Variants in CSNK1A1 observed in about 807,000 individuals in gnomAD.
The protein encoded by CSNK1A1 is casein kinase I isoform alpha.
CSNK1A1 carries 7 observed loss-of-function variants against 46.1 expected under a neutral mutation model. That is an observed-to-expected ratio of 0.15 (90% CI 0.09 to 0.29). CSNK1A1 has a LOEUF of 0.29. Ranked by LOEUF, CSNK1A1 falls within the 10% of genes least tolerant of loss-of-function variation. The pLI is 1.00. For missense variants in CSNK1A1, 96 were observed against 417.1 expected, an observed-to-expected ratio of 0.23 and a Z score of 6.71; for synonymous variants, 137 against 141.5, an observed-to-expected ratio of 0.97 and a Z score of 0.23.
intron 7 of CSNK1A1, among the ~76,000 whole-genome samples, chr5:149,507,645 G>A (rs1580823793): frequency 6.6e-6 from 1 of 151,950 alleles, no homozygotes; most frequent in South Asian, 2.1e-4. Context: ...GTATTTTTTA[G>A]TAGAGACAGG....
At chr5:149,540,793 GATCCGGCAGGGT>G (rs1489354939) in intron 2 of CSNK1A1, among the ~76,000 whole-genome samples, 1 of 152,098 alleles carries the variant, frequency 6.6e-6, no homozygotes, top group Non-Finnish European at 1.5e-5. Context: ...TGTCAAAACT[GATCCGGCAGGGT>G]ATGGTGGCTC....
At chr5:149,546,033 C>T (rs1328506753) in intron 2 of CSNK1A1, among the ~76,000 whole-genome samples, 4 of 151,474 alleles carry the variant, frequency 2.6e-5, no homozygotes, top group African/African-American at 4.8e-5. Context: ...GCACTACAGG[C>T]GCACGCCACC....
chr5:149,525,783 A>G lies in CSNK1A1; in HGVS notation c.231-612T>C, dbSNP rs1561763386. Among the ~76,000 whole-genome samples, 1 of 152,222 alleles carries G rather than the reference A, an allele frequency of 6.6e-6. No homozygotes were observed. The highest frequency in any genetic ancestry group is 1.5e-5 in the Non-Finnish European group (1 of 68,032). ...TATTACTGTATACAATGTGTCCCTA[A>G]TAAGAAGTATCAACTGCCAATTTCA... On this transcript the variant is annotated intron_variant, in intron 2 of 9. Transcript: ENST00000377843. The surrounding 1 kb of genome is among the most constrained non-coding windows in gnomAD (Gnocchi z 4.2).
intron 4 of CSNK1A1, among the ~76,000 whole-genome samples, chr5:149,519,857 A>C (rs1248075253): frequency 6.6e-6 from 1 of 152,242 alleles, no homozygotes; most frequent in Non-Finnish European, 1.5e-5. Flanking sequence ...ATGGTGACAG[A>C]TAAGTCAGTG....
intron 4 of CSNK1A1, among the ~76,000 whole-genome samples, chr5:149,515,119 A>G (rs1761360574): frequency 6.6e-6 from 1 of 152,232 alleles, no homozygotes; most frequent in South Asian, 2.1e-4. Flanking sequence ...AATAAACACA[A>G]AAGGACATTC....
chr5:149,506,981 ATT>A, intron 8 of CSNK1A1, 44 bp downstream of exon 8: 6 of 1,449,794 alleles, frequency 4.1e-6, no homozygotes, highest in Non-Finnish European at 5.7e-6. Flanking sequence ...AATTTAACCA[ATT>A]TCCCTCACAG....
Position 149,523,112 on chromosome 5 carries a change from C to G in CSNK1A1, c.357+1933G>C, listed in dbSNP as rs375339316. Among the ~76,000 whole-genome samples the G allele has an allele frequency of 2.0e-4, 30 of 151,086 alleles. No homozygotes were observed. The South Asian group carries it at 5.9e-3, about 30-fold the overall frequency. On this transcript the variant is annotated intron_variant, in intron 3 of 9. Transcript: ENST00000377843. Reference sequence around the variant, plus strand: ...CTGGAGTGCAGTGGTGCGATCTCGGCTCACTGCAATCTCCACCTCCTGGGT... The same window carrying G: ...CTGGAGTGCAGTGGTGCGATCTCGGGTCACTGCAATCTCCACCTCCTGGGT...
chr5:149,494,089 G>C lies in CSNK1A1; in HGVS notation c.*2764C>G, dbSNP rs1277798565. 1 of 152,158 alleles carries C rather than the reference G, an allele frequency of 6.6e-6. No individual in the cohort carries two copies. Among genetic ancestry groups the C allele is most frequent in the Non-Finnish European group, 1.5e-5 (1 of 68,026 alleles). The allele number at this position is 152,158 out of a possible 1,614,324, so 9.4% of individuals were successfully genotyped here. A position where few individuals can be genotyped will look rare whatever the true frequency, so the allele number is the denominator to read the frequency against. On this transcript the variant is annotated 3_prime_UTR_variant, in exon 10 of 10. Coordinates refer to ENST00000377843, the MANE Select transcript of CSNK1A1 (RefSeq NM_001892.6). Reference sequence around the variant, plus strand: ...GTTCAGCAAACTTTAGGGAAAACTAGCTCATTGTCTTGGGTTCTAAAGTCC... The same window carrying C: ...GTTCAGCAAACTTTAGGGAAAACTACCTCATTGTCTTGGGTTCTAAAGTCC...
At chr5:149,515,964 C>T (rs1188899590) in intron 4 of CSNK1A1, among the ~76,000 whole-genome samples, 2 of 152,220 alleles carry the variant, frequency 1.3e-5, no homozygotes, top group Admixed American at 1.3e-4. Flanking sequence ...TGAGTAAAAT[C>T]TGCGCCCATT....
chr5:149,515,043 T>C (rs1294470004), intron 4 of CSNK1A1, among the ~76,000 whole-genome samples: 1 of 152,186 alleles, frequency 6.6e-6, no homozygotes, highest in South Asian at 2.1e-4. Context: ...CAAAATACAT[T>C]TGTTAAGCAA....
chr5:149,518,504 G>A (rs1296706143), intron 4 of CSNK1A1, among the ~76,000 whole-genome samples: 2 of 152,082 alleles, frequency 1.3e-5, no homozygotes, highest in East Asian at 3.9e-4. Flanking sequence ...CATACAACTG[G>A]CATTTTTCAA....
chr5:149,548,440 C>A (rs2113208636), intron 2 of CSNK1A1, among the ~76,000 whole-genome samples: 1 of 151,574 alleles, frequency 6.6e-6, no homozygotes, highest in South Asian at 2.1e-4. Context: ...AGTAGTGCAG[C>A]TCTGCAATTC....
chr5:149,538,014 GTTTTTTTTTTTTT>G (rs890909710), intron 2 of CSNK1A1, among the ~76,000 whole-genome samples: 4 of 85,728 alleles, frequency 4.7e-5, no homozygotes, highest in African/African-American at 2.1e-4. Flanking sequence ...AGTGTGCCCA[GTTTTTTTTTTTTT>G]TTTTTTTTTT....
chr5:149,498,514 GT>G, intron 9 of CSNK1A1: 1 of 985,172 alleles, frequency 1.0e-6, no homozygotes, highest in Non-Finnish European at 1.2e-6. Flanking sequence ...CAAGCTTCTT[GT>G]TTGGGAGTTT....
intron 2 of CSNK1A1, among the ~76,000 whole-genome samples, chr5:149,539,311 T>C (rs1021747396): frequency 8.6e-5 from 13 of 151,724 alleles, no homozygotes; most frequent in Admixed American, 6.6e-5. Flanking sequence ...AAAATAAAAA[T>C]AAAAATTAGC....
chr5:149,532,315 C>T lies in CSNK1A1; in HGVS notation c.231-7144G>A, dbSNP rs191086154. ...GATATAAAATACCTGTGATTTCAGC[C>T]GGGCGGAGTGGCTCATGCTGAGATC... On this transcript the variant is annotated intron_variant, in intron 2 of 9. Transcript: ENST00000377843. Among the ~76,000 whole-genome samples, 12 of 151,986 alleles carry T rather than the reference C, an allele frequency of 7.9e-5. No individual in the cohort carries two copies. The East Asian group carries it at 1.2e-3, about 15-fold the overall frequency.
At chr5:149,529,325 C>A (rs1438582859) in intron 2 of CSNK1A1, among the ~76,000 whole-genome samples, 2 of 152,120 alleles carry the variant, frequency 1.3e-5, no homozygotes, top group African/African-American at 2.4e-5. Flanking sequence ...GAAGATAATG[C>A]CAAGAGAAGG....
chr5:149,529,688 T>C (rs1301275110), intron 2 of CSNK1A1: 1 of 456,196 alleles, frequency 2.2e-6, no homozygotes, highest in Non-Finnish European at 4.4e-6. Flanking sequence ...GCAGTATAGG[T>C]TCTTCAGTGC....
At chr5:149,509,523 C>A (rs1257261935) in intron 7 of CSNK1A1, among the ~76,000 whole-genome samples, 1 of 152,174 alleles carries the variant, frequency 6.6e-6, no homozygotes, top group Non-Finnish European at 1.5e-5. Context: ...GCCTCAGGCT[C>A]CTGAGTAGCT....
Sources: gnomAD v4.1 joint callset for allele counts (sites outside exome capture counted in the v4.1 genomes callset) on GRCh38, gnomAD v4.1.1 for gene constraint, Gnocchi (gnomAD v3.1) non-coding constraint, MANE v1.5 for transcripts, NCBI Gene and HGNC (gene_info 2026-07-23, HGNC 2026-07-21) for gene names.